The following MDGA2 variants were observed in gnomAD, a reference collection of about 807,000 sequenced individuals.
MDGA2 encodes MAM domain-containing glycosylphosphatidylinositol anchor protein 2.
A neutral mutation model predicts 117.8 loss-of-function variants in MDGA2; 40 were observed. The ratio of observed to expected loss-of-function variants is 0.34; its 90% confidence interval spans 0.26 to 0.44. The LOEUF is 0.44. MDGA2 is among the 20% of genes least tolerant of loss of function. The pLI is 1.00. For missense variants in MDGA2, 1,123 were observed against 1,250.6 expected, an observed-to-expected ratio of 0.90 and a Z score of 1.54; for synonymous variants, 452 against 439.0, an observed-to-expected ratio of 1.03 and a Z score of -0.37.
chr14:47,644,314 C>T (rs1897484351), intron 1 of MDGA2, among the ~76,000 whole-genome samples: 1 of 152,080 alleles, frequency 6.6e-6, no homozygotes, highest in Non-Finnish European at 1.5e-5. Flanking sequence ...ATAAGATCAA[C>T]CTAAGTGTCC....
Position 46,964,393 on chromosome 14 carries a change from A to C in MDGA2, c.1820-6750T>G, listed in dbSNP as rs56986215. Reference sequence around the variant, plus strand: ...AAACAGATGCCTTCTATCCTTCAAAAGTCAAGAGTCTGACACTATGAGTGG... The same window carrying C: ...AAACAGATGCCTTCTATCCTTCAAACGTCAAGAGTCTGACACTATGAGTGG... On this transcript the variant is annotated intron_variant, in intron 8 of 16. Transcript: ENST00000399232. Among the ~76,000 whole-genome samples, 47 of 152,348 alleles carry C rather than the reference A, an allele frequency of 3.1e-4. No homozygotes were observed. The South Asian group carries it at 4.8e-3, about 15-fold the overall frequency.
intron 2 of MDGA2, among the ~76,000 whole-genome samples, chr14:47,282,679 A>G (rs1888536169): frequency 6.6e-6 from 1 of 151,888 alleles, no homozygotes; most frequent in Non-Finnish European, 1.5e-5. Context: ...CCTGGGTGAC[A>G]GAGCAAGAAT....
At chr14:47,574,825 T>C (rs973971880) in intron 1 of MDGA2, among the ~76,000 whole-genome samples, 2 of 152,166 alleles carry the variant, frequency 1.3e-5, no homozygotes, top group Non-Finnish European at 2.9e-5. Context: ...CTGCCCAAAG[T>C]TATGAAGCCA....
At chr14:47,036,143 G>C (rs987130734) in intron 7 of MDGA2, among the ~76,000 whole-genome samples, 2 of 151,546 alleles carry the variant, frequency 1.3e-5, no homozygotes, top group African/African-American at 4.9e-5. Context: ...GGTGGAGGGC[G>C]CCTGTAGTCC....
chr14:47,482,350 G>A (rs1281205317), intron 1 of MDGA2, among the ~76,000 whole-genome samples: 3 of 152,020 alleles, frequency 2.0e-5, no homozygotes, highest in Non-Finnish European at 1.5e-5. Context: ...CATTTTGCAT[G>A]ACTCTGGACA....
At chr14:47,057,399 T>C (rs1889716950) in intron 7 of MDGA2, among the ~76,000 whole-genome samples, 1 of 151,744 alleles carries the variant, frequency 6.6e-6, no homozygotes, top group South Asian at 2.1e-4. Flanking sequence ...ATTTGTACTA[T>C]CACCATATAA....
intron 1 of MDGA2, among the ~76,000 whole-genome samples, chr14:47,359,802 T>C (rs547949089): frequency 6.6e-6 from 1 of 151,514 alleles, no homozygotes; most frequent in Admixed American, 6.6e-5. Context: ...GAAAAGTCTC[T>C]TTATACCATC....
chr14:47,629,474 G>T (rs1023746401), intron 1 of MDGA2, among the ~76,000 whole-genome samples: 17 of 152,176 alleles, frequency 1.1e-4, no homozygotes, highest in African/African-American at 3.4e-4. Context: ...CCCTATTTGT[G>T]CCATACCACA....
chr14:47,337,208 A>G (rs1164747107), intron 1 of MDGA2, among the ~76,000 whole-genome samples: 2 of 152,078 alleles, frequency 1.3e-5, no homozygotes, highest in African/African-American at 4.8e-5. Context: ...ATTACCAATG[A>G]CATAAAGTAA....
chr14:47,298,622 A>G (rs1008021851), intron 2 of MDGA2, among the ~76,000 whole-genome samples: 3 of 151,382 alleles, frequency 2.0e-5, no homozygotes, highest in African/African-American at 7.3e-5. Flanking sequence ...GCCAGGGCCC[A>G]GGTGTTCTGT....
At chr14:47,623,277 C>G (rs559512399) in intron 1 of MDGA2, among the ~76,000 whole-genome samples, 1 of 152,240 alleles carries the variant, frequency 6.6e-6, no homozygotes, top group South Asian at 2.1e-4. Flanking sequence ...TTCTCATCCT[C>G]CAAAACTGTG....
At chr14:47,170,350 C>G (rs951128650) in intron 3 of MDGA2, among the ~76,000 whole-genome samples, 4 of 152,086 alleles carry the variant, frequency 2.6e-5, no homozygotes, top group Middle Eastern at 3.2e-3. Flanking sequence ...ATCATAATAA[C>G]AAATAATGCT....
intron 1 of MDGA2, among the ~76,000 whole-genome samples, chr14:47,342,304 ATG>A (rs1315247031): frequency 2.0e-5 from 3 of 148,024 alleles, no homozygotes; most frequent in Admixed American, 6.8e-5. Context: ...ATATATAAAT[ATG>A]TGTGTATATA....
chr14:47,237,391 T>G (rs1886899433), intron 2 of MDGA2, among the ~76,000 whole-genome samples: 1 of 152,154 alleles, frequency 6.6e-6, no homozygotes, highest in Admixed American at 6.5e-5. Context: ...TACCTCTGAA[T>G]TCACCTGAGA....
intron 10 of MDGA2, among the ~76,000 whole-genome samples, chr14:46,910,095 T>C (rs1054073170): frequency 2.0e-5 from 3 of 152,158 alleles, no homozygotes. Flanking sequence ...AATAATCATG[T>C]TCAAGGGTAT....
At chr14:47,663,660 A>G (rs1192845458) in intron 1 of MDGA2, among the ~76,000 whole-genome samples, 1 of 152,160 alleles carries the variant, frequency 6.6e-6, no homozygotes, top group Non-Finnish European at 1.5e-5. Context: ...TGATTAGGTG[A>G]CTGGGTGGGA....
At chr14:47,561,171 G>GTGTTTTTTTTT (rs1895804082) in intron 1 of MDGA2, among the ~76,000 whole-genome samples, 1 of 68,492 alleles carries the variant, frequency 1.5e-5, no homozygotes, top group Admixed American at 1.7e-4. Flanking sequence ...TTGTTTTTTT[G>GTGTTTTTTTTT]TTTGTTTGTT....
At chr14:47,285,989 T>G (rs947204047) in intron 2 of MDGA2, among the ~76,000 whole-genome samples, 1 of 152,048 alleles carries the variant, frequency 6.6e-6, no homozygotes, top group East Asian at 1.9e-4. Flanking sequence ...TGAGACCTAC[T>G]ACGTGTGAAG....
intron 2 of MDGA2, among the ~76,000 whole-genome samples, chr14:47,287,043 T>C (rs763824589): frequency 2.0e-5 from 3 of 151,876 alleles, no homozygotes; most frequent in African/African-American, 4.8e-5. Flanking sequence ...CTGTACTATA[T>C]ACTTACTGTA....
Sources: gnomAD v4.1 joint callset for allele counts (sites outside exome capture counted in the v4.1 genomes callset) on GRCh38, gnomAD v4.1.1 for gene constraint, MANE v1.5 for transcripts, NCBI Gene and HGNC (gene_info 2026-07-23, HGNC 2026-07-21) for gene names.